COBLL1: variants seen among roughly 807,000 people sequenced by gnomAD.
COBLL1 encodes the protein cordon-bleu WH2 repeat protein like 1.
Under a neutral mutation model 94.8 loss-of-function variants are expected in COBLL1, and 50 were observed. That is an observed-to-expected ratio of 0.53 (90% CI 0.42 to 0.67). The LOEUF (loss-of-function observed/expected upper bound fraction) is 0.67, where lower values mean the gene tolerates loss of function less well. Among genes scored for constraint, COBLL1 ranks in the 30% least tolerant of loss-of-function variants. The pLI, the probability that COBLL1 is intolerant of heterozygous loss-of-function variation, is 0.00. For missense variants in COBLL1, 1,362 were observed against 1,348.7 expected (o/e 1.01, Z -0.15); for synonymous variants, 448 against 473.8 (o/e 0.95, Z 0.71).
intron 2 of COBLL1, among the ~76,000 whole-genome samples, chr2:164,791,534 A>G (rs1004340444): frequency 6.6e-6 from 1 of 152,152 alleles, no homozygotes; most frequent in African/African-American, 2.4e-5. Context: ...ATACATACAT[A>G]CATTTGTTTT....
In COBLL1 at chr2:164,665,330, C is replaced by CAAA. The variant is rs11441643; in HGVS notation, n.181+514_181+516dup. Among the ~76,000 whole-genome samples, 26 of 121,798 alleles carry CAAA rather than the reference C, an allele frequency of 2.1e-4. 2 individuals are homozygous for CAAA. Among genetic ancestry groups the CAAA allele is most frequent in the African/African-American group, 3.4e-4 (11 of 32,260 alleles). The allele number at this position is 121,798 out of a possible 152,430, so 79.9% of individuals were successfully genotyped here. ...GGGGTGACAGAGCAAGATTCTGTGTCAAAAAAAAAAAGAAAGAAAGAAAGA... is the reference window on the plus strand; with the variant it reads ...GGGGTGACAGAGCAAGATTCTGTGTCAAAAAAAAAAAAAAGAAAGAAAGAAAGA... On this transcript the variant is annotated intron_variant and non_coding_transcript_variant, in intron 2 of 2. Transcript: ENST00000495084.
chr2:164,708,949 C>A (rs1419990002), intron 7 of COBLL1, among the ~76,000 whole-genome samples: 1 of 152,136 alleles, frequency 6.6e-6, no homozygotes, highest in Non-Finnish European at 1.5e-5. Context: ...ACATGAATTT[C>A]TCAATGAGAG....
chr2:164,726,773 G>A lies in COBLL1; in HGVS notation c.661+1196C>T, dbSNP rs181758302. 2.0e-5 allele frequency among the ~76,000 whole-genome samples: 3 copies of A among 152,122 alleles called. No individual in the cohort carries two copies. The East Asian group carries it at 5.8e-4, about 29-fold the overall frequency. On this transcript the variant is annotated intron_variant, in intron 5 of 13. Transcript: ENST00000652658. ...ACTGTTCAGTGAAATAATCTGAAAT[G>A]CTTCCTCGGTACTACCAAGCTATTA...
At chr2:164,759,795 C>A (rs924815631) in intron 2 of COBLL1, among the ~76,000 whole-genome samples, 1 of 152,142 alleles carries the variant, frequency 6.6e-6, no homozygotes, top group South Asian at 2.1e-4. Flanking sequence ...CAAATAGACA[C>A]ACAAAAATAG....
intron 7 of COBLL1, among the ~76,000 whole-genome samples, chr2:164,719,468 T>G (rs1406661311): frequency 6.6e-6 from 1 of 152,212 alleles, no homozygotes; most frequent in Non-Finnish European, 1.5e-5. Flanking sequence ...ATCAAGGTGT[T>G]GGCGGAGTCA....
intron 13 of COBLL1, among the ~76,000 whole-genome samples, chr2:164,690,860 CTTAAT>C (rs1336667147): frequency 6.6e-6 from 1 of 152,018 alleles, no homozygotes; most frequent in African/African-American, 2.4e-5. Flanking sequence ...GAAACTCATC[CTTAAT>C]TTACAAGATC....
chr2:164,807,650 A>G (rs555999110), intron 2 of COBLL1, among the ~76,000 whole-genome samples: 145 of 152,168 alleles, frequency 9.5e-4, no homozygotes, highest in Admixed American at 4.6e-3. Flanking sequence ...TAGCCTATTA[A>G]TAGTATTAGC....
chr2:164,728,254 C>G (rs1182100325), intron 4 of COBLL1, 57 bp from the exon 5 acceptor site: 2 of 1,062,472 alleles, frequency 1.9e-6, no homozygotes, highest in South Asian at 2.6e-5. Flanking sequence ...AAACACTCTA[C>G]AATAATGTCT....
At chr2:164,662,936 T>C (rs561809821) in intron 2 of COBLL1, among the ~76,000 whole-genome samples, 17 of 152,300 alleles carry the variant, frequency 1.1e-4, no homozygotes, top group African/African-American at 4.1e-4. Context: ...CTTTTCTTTA[T>C]AAATTACCCT....
rs755442764 is a variant in COBLL1 at position 164,722,353 on chromosome 2, TATTAGTAAAAAGC to T, written c.760-55_760-43del. The stretch of plus-strand genomic sequence containing the variant: ...AAGACAAAATCTAGTAATTTCAAGA[TATTAGTAAAAAGC>T]ATTAGTAATTAAAAATAATTGAAGA... On this transcript the variant is annotated intron_variant, in intron 6 of 13. Coordinates refer to ENST00000652658, the MANE Select transcript of COBLL1 (RefSeq NM_001365672.2). 13 of 1,556,790 alleles carry T rather than the reference TATTAGTAAAAAGC, an allele frequency of 8.4e-6. No individual in the cohort carries two copies. The East Asian group carries it at 2.7e-4, about 32-fold the overall frequency.
chr2:164,700,582 C>T lies in COBLL1; in HGVS notation c.1400G>A (p.Ser467Asn), dbSNP rs768631093. 6.2e-7 allele frequency: 1 copy of T among 1,613,898 alleles called. No individual in the cohort carries two copies. The highest frequency in any genetic ancestry group is 8.5e-7 in the Non-Finnish European group (1 of 1,179,862). Reference protein sequence around the residue: ...NDPDSALGNGSGEFSQNSMEE... With the variant: ...NDPDSALGNGNGEFSQNSMEE... ...CATGGAGTTTTGTGAGAACTCTCCA[C>T]TACCATTGCCAAGGGCTGAGTCAGG... Residue 467 changes from serine (S) to asparagine (N), a missense_variant, in exon 10 of 14, where the codon AGT (serine) becomes AAT (asparagine). Coordinates refer to ENST00000652658, the MANE Select transcript of COBLL1 (RefSeq NM_001365672.2).
At chr2:164,716,438 T>C (rs1212603664) in intron 7 of COBLL1, among the ~76,000 whole-genome samples, 1 of 152,174 alleles carries the variant, frequency 6.6e-6, no homozygotes, top group Non-Finnish European at 1.5e-5. Context: ...GGGAAAGTTT[T>C]CTTTTCAAAT....
At chr2:164,673,259 CT>C (rs752873031) in intron 1 of COBLL1, among the ~76,000 whole-genome samples, 5 of 152,154 alleles carry the variant, frequency 3.3e-5, no homozygotes, top group Non-Finnish European at 7.3e-5. Flanking sequence ...CATGACCAGA[CT>C]TATTCACCTC....
At chr2:164,825,436 T>C (rs1278420174) in intron 2 of COBLL1, among the ~76,000 whole-genome samples, 2 of 152,120 alleles carry the variant, frequency 1.3e-5, no homozygotes, top group Non-Finnish European at 2.9e-5. Context: ...TACGTTTACT[T>C]AGGAAAAAAA....
chr2:164,834,764 T>C (rs1221724189), intron 2 of COBLL1, among the ~76,000 whole-genome samples: 3 of 152,222 alleles, frequency 2.0e-5, no homozygotes, highest in African/African-American at 7.2e-5. Context: ...AGTAAAACTC[T>C]ATAAATACAG....
chr2:164,695,112 G>A lies in COBLL1; in HGVS notation c.2280C>T (p.Asp760=). The A allele has an allele frequency of 1.9e-6, 3 of 1,613,848 alleles. No individual in the cohort carries two copies. Among genetic ancestry groups the A allele is most frequent in the Non-Finnish European group, 2.5e-6 (3 of 1,179,926 alleles). The change falls in exon 12 of 14, where the codon GAC becomes GAT. Residue 760 remains aspartate, a synonymous_variant. Transcript: ENST00000652658. ...SETIEYKDDQ[D]MHALGKKHTH... ...TGTGCTTTTTCCCTAAAGCATGCATGTCCTGATCATCTTTATACTCTATGG... is the reference window on the plus strand; with the variant it reads ...TGTGCTTTTTCCCTAAAGCATGCATATCCTGATCATCTTTATACTCTATGG...
intron 2 of COBLL1, among the ~76,000 whole-genome samples, chr2:164,823,967 A>T (rs1685309284): frequency 6.6e-6 from 1 of 152,242 alleles, no homozygotes; most frequent in African/African-American, 2.4e-5. Flanking sequence ...ACGGTTTGCT[A>T]TGCAAATATT....
At chr2:164,737,025 C>T (rs562160659) in intron 3 of COBLL1, among the ~76,000 whole-genome samples, 2 of 152,196 alleles carry the variant, frequency 1.3e-5, no homozygotes, top group African/African-American at 4.8e-5. Flanking sequence ...GTGCTGAGCA[C>T]GGTGGCTCAC....
intron 2 of COBLL1, among the ~76,000 whole-genome samples, chr2:164,756,202 T>C (rs970482778): frequency 4.6e-5 from 7 of 152,156 alleles, no homozygotes; most frequent in African/African-American, 1.7e-4. Flanking sequence ...CCAAGTAACT[T>C]TTCCTGAAGC....
Sources: gnomAD v4.1 joint callset for allele counts (sites outside exome capture counted in the v4.1 genomes callset) on GRCh38, gnomAD v4.1.1 for gene constraint, MANE v1.5 for transcripts, NCBI Gene and HGNC (gene_info 2026-07-23, HGNC 2026-07-21) for gene names.